The following ADAMTSL1 variants were observed in gnomAD, a reference collection of about 807,000 sequenced individuals.
The protein encoded by ADAMTSL1 is ADAMTS like 1, also known as ADAMTS-like protein 1.
In ADAMTSL1, 126 loss-of-function variants were observed where a neutral mutation model predicts 201.8. The ratio of observed to expected loss-of-function variants is 0.62; its 90% confidence interval spans 0.54 to 0.72. The LOEUF is 0.72. Ranked by LOEUF, ADAMTSL1 falls within the 30% of genes least tolerant of loss-of-function variation. The pLI, the probability that ADAMTSL1 is intolerant of heterozygous loss-of-function variation, is 0.00. For missense variants in ADAMTSL1, 2,679 were observed against 2,277.8 expected (o/e 1.18, Z -3.59); for synonymous variants, 1,121 against 903.4 (o/e 1.24, Z -4.32).
intron 4 of ADAMTSL1, among the ~76,000 whole-genome samples, chr9:18,580,201 T>C (rs986589434): frequency 6.6e-6 from 1 of 152,198 alleles, no homozygotes; most frequent in African/African-American, 2.4e-5. Context: ...TTAAAATGAA[T>C]AATACAGTAC....
intron 2 of ADAMTSL1, among the ~76,000 whole-genome samples, chr9:18,174,824 A>G (rs1828065329): frequency 6.6e-6 from 1 of 152,148 alleles, no homozygotes. Context: ...TAAGTAAGAG[A>G]ACAATGTCGT....
At chr9:18,463,531 A>G (rs1404401208) in intron 2 of ADAMTSL1, among the ~76,000 whole-genome samples, 2 of 152,106 alleles carry the variant, frequency 1.3e-5, no homozygotes, top group Admixed American at 6.5e-5. Context: ...TACCCCGTTA[A>G]ACGTTAATTC....
At chr9:18,583,330 T>C (rs189640986) in intron 4 of ADAMTSL1, among the ~76,000 whole-genome samples, 83 of 152,272 alleles carry the variant, frequency 5.5e-4, no homozygotes, top group African/African-American at 2.0e-3. Flanking sequence ...GCAAGCCCCA[T>C]ACCTTAGCAG....
rs1370434737 is a variant in ADAMTSL1 at position 18,753,306 on chromosome 9, T to G, written c.2015T>G (p.Ile672Ser). The G allele has an allele frequency of 6.2e-7, 1 of 1,610,980 alleles. No individual in the cohort carries two copies. Among genetic ancestry groups the G allele is most frequent in the African/African-American group, 1.3e-5 (1 of 74,844 alleles). The change falls in exon 16 of 29, where the codon ATT becomes AGT. Residue 672 changes from isoleucine (I) to serine (S), a missense_variant. By Grantham distance (142) the Ile-to-Ser change is moderately radical. Coordinates refer to ENST00000380548, the MANE Select transcript of ADAMTSL1 (RefSeq NM_001040272.6). Reference sequence around the variant, plus strand: ...CTCTGATTTCTTCTCAGGTGGGAAATTGGCAAGTGGAGTCCATGTAGTCTC... The same window carrying G: ...CTCTGATTTCTTCTCAGGTGGGAAAGTGGCAAGTGGAGTCCATGTAGTCTC... ...NLDPCPARWE[I>S]GKWSPCSLTC...
At position 18,721,550 on chromosome 9, in the gene ADAMTSL1, G is replaced by A. The variant is rs1158664235; in HGVS notation, c.1891G>A (p.Val631Met). ...ESCGGGVQEA[V>M]VSCLNKQTRE... ...TTTGTACACAGGTGTCCAGGAGGCTGTGGTGAGCTGCTTGAACAAACAGAC... is the reference window on the plus strand; with the variant it reads ...TTTGTACACAGGTGTCCAGGAGGCTATGGTGAGCTGCTTGAACAAACAGAC... Residue 631 changes from valine to methionine, a missense_variant, in exon 15 of 29, where the codon GTG becomes ATG. Val to Met is a conservative substitution (Grantham distance 21). Coordinates refer to ENST00000380548, the MANE Select transcript of ADAMTSL1 (RefSeq NM_001040272.6). 1 of 1,613,874 alleles carries A rather than the reference G, an allele frequency of 6.2e-7. No homozygotes were observed. The highest frequency in any genetic ancestry group is 1.3e-5 in the African/African-American group (1 of 74,934).
intron 1 of ADAMTSL1, among the ~76,000 whole-genome samples, chr9:18,066,214 G>C (rs1359318692): frequency 6.6e-6 from 1 of 152,058 alleles, no homozygotes; most frequent in African/African-American, 2.4e-5. Context: ...AGCATCCCAA[G>C]TCTTGGGAAA....
In ADAMTSL1 at chr9:18,154,633, CATAA is replaced by C. The variant is rs546630087; in HGVS notation, c.88-9225_88-9222del. 5.3e-3 allele frequency among the ~76,000 whole-genome samples: 809 copies of C among 152,150 alleles called. 4 individuals are homozygous for C. Among genetic ancestry groups the C allele is most frequent in the Non-Finnish European group, 7.9e-3 (536 of 67,964 alleles). ...ATAAACAAATGACAAAAGAGTAATA[CATAA>C]ATATATTCAGCAGTCTGATTCTCTT... On this transcript the variant is annotated intron_variant, in intron 1 of 29. Coordinates refer to the ADAMTSL1 transcript ENST00000680146.
rs562714070 is a variant in ADAMTSL1 at position 18,564,078 on chromosome 9, C to A, written c.238-9952C>A. Among the ~76,000 whole-genome samples the A allele has an allele frequency of 3.3e-5, 5 of 152,288 alleles. No individual in the cohort carries two copies. In the South Asian group the frequency reaches 1.0e-3, roughly 32 times the overall value. On this transcript the variant is annotated intron_variant, in intron 3 of 28. Transcript: ENST00000380548. Reference sequence around the variant, plus strand: ...TGGGGAATGAAAAAAACTCCTGCAGCTAGCTTGGTGTCTGCTTAAACGGCC... The same window carrying A: ...TGGGGAATGAAAAAAACTCCTGCAGATAGCTTGGTGTCTGCTTAAACGGCC...
chr9:18,820,676 C>T (rs1043344404), intron 21 of ADAMTSL1, among the ~76,000 whole-genome samples: 3 of 152,172 alleles, frequency 2.0e-5, no homozygotes, highest in East Asian at 1.9e-4. Context: ...CAACTTTTTG[C>T]GTACATGTGC....
intron 23 of ADAMTSL1, among the ~76,000 whole-genome samples, chr9:18,852,852 A>G (rs1356068789): frequency 6.6e-6 from 1 of 152,218 alleles, no homozygotes; most frequent in East Asian, 1.9e-4. Flanking sequence ...AAAGTACGCT[A>G]TAAAACCTAG....
intron 1 of ADAMTSL1, among the ~76,000 whole-genome samples, chr9:17,996,334 G>T (rs1301562258): frequency 6.6e-6 from 1 of 151,886 alleles, no homozygotes; most frequent in East Asian, 1.9e-4. Context: ...TACTTCCTTG[G>T]CACACAAACC....
At chr9:18,178,315 C>A (rs528881055) in intron 2 of ADAMTSL1, among the ~76,000 whole-genome samples, 1 of 151,852 alleles carries the variant, frequency 6.6e-6, no homozygotes, top group Non-Finnish European at 1.5e-5. Flanking sequence ...TGCGCTTTTC[C>A]GACGGGCTTA....
intron 2 of ADAMTSL1, among the ~76,000 whole-genome samples, chr9:18,203,572 C>T (rs1018302826): frequency 6.6e-6 from 1 of 151,290 alleles, no homozygotes; most frequent in African/African-American, 2.4e-5. Context: ...TAGAGTTAAG[C>T]TGTCAAGATA....
At chr9:18,030,169 C>A (rs147533500) in intron 1 of ADAMTSL1, among the ~76,000 whole-genome samples, 11 of 152,068 alleles carry the variant, frequency 7.2e-5, no homozygotes, top group Admixed American at 5.2e-4. Context: ...AATGATAGAC[C>A]GGATTAAGAA....
intron 2 of ADAMTSL1, among the ~76,000 whole-genome samples, chr9:18,458,148 T>C (rs1820677415): frequency 6.6e-6 from 1 of 152,188 alleles, no homozygotes; most frequent in African/African-American, 2.4e-5. Flanking sequence ...ATAGAAGTAA[T>C]TATAGAGTTT....
At chr9:18,054,458 G>T (rs1822081546) in intron 1 of ADAMTSL1, among the ~76,000 whole-genome samples, 1 of 152,176 alleles carries the variant, frequency 6.6e-6, no homozygotes, top group Non-Finnish European at 1.5e-5. Context: ...TTCAAAGTTT[G>T]GCCCAGTTTC....
intron 16 of ADAMTSL1, among the ~76,000 whole-genome samples, chr9:18,766,880 G>C (rs1198593612): frequency 6.6e-6 from 1 of 152,198 alleles, no homozygotes; most frequent in Admixed American, 6.5e-5. Flanking sequence ...GGAGGACACA[G>C]ACATTCAGAC....
intron 2 of ADAMTSL1, among the ~76,000 whole-genome samples, chr9:18,175,089 G>A (rs992231942): frequency 6.6e-6 from 1 of 152,190 alleles, no homozygotes; most frequent in Non-Finnish European, 1.5e-5. Flanking sequence ...ATATCAAGGT[G>A]CATTTATAGA....
At chr9:18,094,593 A>T (rs1453924769) in intron 1 of ADAMTSL1, among the ~76,000 whole-genome samples, 1 of 151,810 alleles carries the variant, frequency 6.6e-6, no homozygotes, top group African/African-American at 2.4e-5. Flanking sequence ...TGCCACCTAA[A>T]TCTAAGTATA....
Sources: gnomAD v4.1 joint callset for allele counts (sites outside exome capture counted in the v4.1 genomes callset) on GRCh38, gnomAD v4.1.1 for gene constraint, MANE v1.5 for transcripts, NCBI Gene and HGNC (gene_info 2026-07-23, HGNC 2026-07-21) for gene names.